GABBR1: variants seen among roughly 807,000 people sequenced by gnomAD.
GABBR1 encodes the protein gamma-aminobutyric acid type B receptor subunit 1, also known as GABA-B receptor, R1 subunit.
A neutral mutation model predicts 117.7 loss-of-function variants in GABBR1; 35 were observed. That is an observed-to-expected ratio of 0.30 (90% CI 0.23 to 0.39). The LOEUF (loss-of-function observed/expected upper bound fraction) is 0.39. Among genes scored for constraint, GABBR1 ranks in the 10% least tolerant of loss-of-function variants. The pLI is 1.00. For synonymous variants in GABBR1, 442 were observed against 486.6 expected (o/e 0.91, Z 1.21); for missense variants, 709 against 1,241.8 (o/e 0.57, Z 6.45).
Position 29,627,930 on chromosome 6 carries a change from A to C in GABBR1, c.497-284T>G. 1 of 1,360,002 alleles carries C rather than the reference A, an allele frequency of 7.4e-7. No homozygotes were observed. The highest frequency in any genetic ancestry group is 9.4e-7 in the Non-Finnish European group (1 of 1,065,708). 84.2% of individuals were successfully genotyped at this position (1,360,002 alleles called of 1,614,324 possible). On this transcript the variant is annotated intron_variant, in intron 5 of 22. Transcript: ENST00000377034. The surrounding 1 kb of genome is among the most constrained non-coding windows in gnomAD (Gnocchi z 4.4). Reference sequence around the variant, plus strand: ...GGGGAGGAGGGGGCGAGGGCCCCGGAGAAGCAGGGAAGGTTGGCTTCCTAC... The same window carrying C: ...GGGGAGGAGGGGGCGAGGGCCCCGGCGAAGCAGGGAAGGTTGGCTTCCTAC...
Position 29,605,591 on chromosome 6 carries a change from C to A in GABBR1, c.2417G>T (p.Gly806Val), listed in dbSNP as rs757082012. The change falls in exon 20 of 23, where the codon GGC becomes GTC. Residue 806 changes from glycine (G) to valine (V), a missense_variant. Gly to Val is a moderately radical substitution (Grantham distance 109, BLOSUM62 -3). This residue lies in a region of GABBR1 where 251 missense variants were observed against 445.3 expected (regional missense o/e 0.56). Transcript: ENST00000377034. The surrounding 1 kb of genome is among the most constrained non-coding windows in gnomAD (Gnocchi z 4.2). ...CACTGCCACATTGTAGATAGCCATG[C>A]CCACAGCCCGGTGATCATTGATCTT... Reference protein sequence around the residue: ...TEKINDHRAVGMAIYNVAVLC... With the variant: ...TEKINDHRAVVMAIYNVAVLC... The A allele has an allele frequency of 6.2e-7, 1 of 1,613,070 alleles. No homozygotes were observed. Among genetic ancestry groups the A allele is most frequent in the East Asian group, 2.2e-5 (1 of 44,876 alleles).
In GABBR1 at chr6:29,611,973, A is replaced by G. The variant is rs1443466593; in HGVS notation, c.1630+578T>C. ...ATTAATGGAAGCCACTGGGAAAGAG[A>G]GTAGCTGTTTTTAATTTGCATGTCT... On this transcript the variant is annotated intron_variant, in intron 13 of 22. Coordinates refer to ENST00000377034, the MANE Select transcript of GABBR1 (RefSeq NM_001470.4). This position sits in a 1 kb window ranked among gnomAD's most constrained non-coding sequence, Gnocchi z 4.6. Among the ~76,000 whole-genome samples, 1 of 152,040 alleles carries G rather than the reference A, an allele frequency of 6.6e-6. No individual in the cohort carries two copies. Among genetic ancestry groups the G allele is most frequent in the Non-Finnish European group, 1.5e-5 (1 of 68,006 alleles).
At position 29,620,431 on chromosome 6, in the gene GABBR1, T is replaced by C. The variant is rs771759726; in HGVS notation, c.1323+670A>G. Among the ~76,000 whole-genome samples, 5 of 152,304 alleles carry C rather than the reference T, an allele frequency of 3.3e-5. No individual in the cohort carries two copies. Among genetic ancestry groups the C allele is most frequent in the Admixed American group, 6.5e-5 (1 of 15,296 alleles). On this transcript the variant is annotated intron_variant, in intron 11 of 22. Transcript: ENST00000377034. The surrounding 1 kb of genome is among the most constrained non-coding windows in gnomAD (Gnocchi z 4.5). ...CAAAATTCCTGTACTCTTTACAATGTAGTGCTGAGCAACAAAGAAGCCTCT... is the reference window on the plus strand; with the variant it reads ...CAAAATTCCTGTACTCTTTACAATGCAGTGCTGAGCAACAAAGAAGCCTCT...
rs1181277276 is a variant in GABBR1, at chr6:29,623,685, A to G, written c.792+205T>C. On this transcript the variant is annotated intron_variant, in intron 7 of 22. Transcript: ENST00000377034. This position sits in a 1 kb window ranked among gnomAD's most constrained non-coding sequence, Gnocchi z 6.2. ...ATGCTCTTTCACTGATCTAATTTCA[A>G]TTCCTTCTGAAGAAGGAGGTCAGCT... Among the ~76,000 whole-genome samples, 1 of 152,100 alleles carries G rather than the reference A, an allele frequency of 6.6e-6. No homozygotes were observed. Among genetic ancestry groups the G allele is most frequent in the Admixed American group, 6.5e-5 (1 of 15,270 alleles).
At position 29,623,747 on chromosome 6, in the gene GABBR1, T is replaced by G. The variant is rs1178229705; in HGVS notation, c.792+143A>C. 1.0e-6 allele frequency: 1 copy of G among 995,480 alleles called. No individual in the cohort carries two copies. The highest frequency in any genetic ancestry group is 1.5e-6 in the Non-Finnish European group (1 of 682,756). The allele number at this position is 995,480 out of a possible 1,614,324, so 61.7% of individuals were successfully genotyped here. On this transcript the variant is annotated intron_variant, in intron 7 of 22. Coordinates refer to ENST00000377034, the MANE Select transcript of GABBR1 (RefSeq NM_001470.4). The surrounding 1 kb of genome is among the most constrained non-coding windows in gnomAD (Gnocchi z 6.2). The stretch of plus-strand genomic sequence containing the variant: ...AGGCCACTGTTGCTAGGAGGCTGCC[T>G]AGCTCAGGTCTGCAGAGGACTCTGA...
rs1377287703 is a variant in GABBR1 at position 29,608,590 on chromosome 6, C to A, written c.1992+11G>T. 6.2e-7 allele frequency: 1 copy of A among 1,611,394 alleles called. No homozygotes were observed. The highest frequency in any genetic ancestry group is 8.5e-7 in the Non-Finnish European group (1 of 1,179,184). Reference sequence around the variant, plus strand: ...CACATCCTGTAAGGAATTTGCCCACCACCTCCTCACCTGGCAGACGAAAGG... The same window carrying A: ...CACATCCTGTAAGGAATTTGCCCACAACCTCCTCACCTGGCAGACGAAAGG... On this transcript the variant is annotated intron_variant, in intron 16 of 22. Transcript: ENST00000377034.
At position 29,622,774 on chromosome 6, in the gene GABBR1, T is replaced by A. The variant is rs1454549292; in HGVS notation, c.963+531A>T. Among the ~76,000 whole-genome samples, 1 of 152,124 alleles carries A rather than the reference T, an allele frequency of 6.6e-6. No individual in the cohort carries two copies. The highest frequency in any genetic ancestry group is 6.5e-5 in the Admixed American group (1 of 15,276). ...TCTTCCCCCTCAACCTCTCCTTGTC[T>A]GTCGGCTTCTCTCTCTTAGTACCAA... On this transcript the variant is annotated intron_variant, in intron 8 of 22. Transcript: ENST00000377034. The surrounding 1 kb of genome is among the most constrained non-coding windows in gnomAD (Gnocchi z 4.6).
Position 29,621,354 on chromosome 6 carries a change from C to A in GABBR1, c.1132-62G>T. Reference sequence around the variant, plus strand: ...TCATTTGTTTGTTTTTGTCTTATCTCACTTGATACTATTTAGCCTCTTGGG... The same window carrying A: ...TCATTTGTTTGTTTTTGTCTTATCTAACTTGATACTATTTAGCCTCTTGGG... On this transcript the variant is annotated intron_variant, in intron 10 of 22. Transcript: ENST00000377034. This position sits in a 1 kb window ranked among gnomAD's most constrained non-coding sequence, Gnocchi z 5.0. 7.5e-7 allele frequency: 1 copy of A among 1,330,944 alleles called. No homozygotes were observed. The highest frequency in any genetic ancestry group is 1.1e-6 in the Non-Finnish European group (1 of 943,394). 82.4% of individuals were successfully genotyped at this position (1,330,944 alleles called of 1,614,324 possible). A position where few individuals can be genotyped will look rare whatever the true frequency, so the allele number is the denominator to read the frequency against.
rs1368230675 is a variant in GABBR1 at position 29,603,047 on chromosome 6, C to T, written c.*496G>A. ...AAAGGAAGCAAAATTCAGGGGGAGC[C>T]ACATGTGAGAAAGTATAGAAGGGCA... On this transcript the variant is annotated 3_prime_UTR_variant, in exon 23 of 23. Transcript: ENST00000377034. The T allele has an allele frequency of 2.2e-6, 1 of 456,904 alleles. No homozygotes were observed. The highest frequency in any genetic ancestry group is 2.0e-5 in the African/African-American group (1 of 50,042). The allele number at this position is 456,904 out of a possible 1,614,324, so 28.3% of individuals were successfully genotyped here.
At position 29,606,891 on chromosome 6, in the gene GABBR1, T is replaced by A. The variant is rs1406027600; in HGVS notation, c.2217+6A>T. 6.2e-7 allele frequency: 1 copy of A among 1,611,478 alleles called. No homozygotes were observed. The highest frequency in any genetic ancestry group is 1.1e-5 in the South Asian group (1 of 91,038). On this transcript the variant is annotated splice_donor_region_variant and intron_variant, in intron 18 of 22. Coordinates refer to ENST00000377034, the MANE Select transcript of GABBR1 (RefSeq NM_001470.4). This position sits in a 1 kb window ranked among gnomAD's most constrained non-coding sequence, Gnocchi z 4.5. ...CCTGACCATAGCACCTCCTCTCCAG[T>A]GGTACCTCAATGGTCCGGTGCAGAG...
chr6:29,627,983 C>T lies in GABBR1; in HGVS notation c.497-337G>A. On this transcript the variant is annotated intron_variant, in intron 5 of 22. Coordinates refer to ENST00000377034, the MANE Select transcript of GABBR1 (RefSeq NM_001470.4). This position sits in a 1 kb window ranked among gnomAD's most constrained non-coding sequence, Gnocchi z 4.4. ...CCCCCGCGGCTCTCGCCACCGTCGC[C>T]GCCACCGCGGACTCTCCTCGCGGAC... 7.5e-7 allele frequency: 1 copy of T among 1,340,572 alleles called. No individual in the cohort carries two copies. Among genetic ancestry groups the T allele is most frequent in the Non-Finnish European group, 9.5e-7 (1 of 1,054,916 alleles). The allele number at this position is 1,340,572 out of a possible 1,614,324, so 83.0% of individuals were successfully genotyped here. A position where few individuals can be genotyped will look rare whatever the true frequency, so the allele number is the denominator to read the frequency against.
Position 29,631,971 on chromosome 6 carries a change from G to A in GABBR1, c.85+330C>T, listed in dbSNP as rs1765031462. On this transcript the variant is annotated intron_variant, in intron 2 of 22. Coordinates refer to ENST00000377034, the MANE Select transcript of GABBR1 (RefSeq NM_001470.4). This position sits in a 1 kb window ranked among gnomAD's most constrained non-coding sequence, Gnocchi z 5.9. ...GAATTAGGATAGGAGGATAAAGGGA[G>A]GCTAATAAGATCATCTGGACAGCAA... Among the ~76,000 whole-genome samples the A allele has an allele frequency of 6.6e-6, 1 of 151,952 alleles. No individual in the cohort carries two copies. Among genetic ancestry groups the A allele is most frequent in the Non-Finnish European group, 1.5e-5 (1 of 68,016 alleles).
chr6:29,603,147 G>T lies in GABBR1; in HGVS notation c.*396C>A, dbSNP rs756924325. 4.2e-6 allele frequency: 2 copies of T among 472,044 alleles called. No homozygotes were observed. Among genetic ancestry groups the T allele is most frequent in the Non-Finnish European group, 8.4e-6 (2 of 236,888 alleles). The allele number at this position is 472,044 out of a possible 1,614,324, so 29.2% of individuals were successfully genotyped here. The stretch of plus-strand genomic sequence containing the variant: ...GGGGTGGAAAGAGCACTTGTTGGGA[G>T]ACCCCTGCTGGACAGGAACAGAGCA... On this transcript the variant is annotated 3_prime_UTR_variant, in exon 23 of 23. Transcript: ENST00000377034.
At chr6:29,616,983 T>TAAAA (rs28383952) in intron 11 of GABBR1, among the ~76,000 whole-genome samples, 9 of 71,630 alleles carry the variant, frequency 1.3e-4, no homozygotes, top group African/African-American at 1.5e-4. Flanking sequence ...CCGTCTCTAC[T>TAAAA]AAAAAAAAAA....
In GABBR1 at chr6:29,603,644, G is replaced by A; in HGVS notation, c.2785C>T (p.Pro929Ser). ...CCCCCAGAGGGTTCTGGGGGTGTCG[G>A]TGGGTGGCGCCGGGAGCGGAGCTGC... Reference protein sequence around the residue: ...RQQLRSRRHPPTPPEPSGGLP... With the variant: ...RQQLRSRRHPSTPPEPSGGLP... Residue 929 changes from proline to serine, a missense_variant, in exon 23 of 23, where the codon CCG becomes TCG. Transcript: ENST00000377034. 6.6e-7 allele frequency: 1 copy of A among 1,524,028 alleles called. No individual in the cohort carries two copies. The highest frequency in any genetic ancestry group is 8.8e-7 in the Non-Finnish European group (1 of 1,140,594). 94.4% of individuals were successfully genotyped at this position (1,524,028 alleles called of 1,614,324 possible). A position where few individuals can be genotyped will look rare whatever the true frequency, so the allele number is the denominator to read the frequency against.
rs752823460 is a variant in GABBR1 at position 29,621,826 on chromosome 6, G to C, written c.1066-9C>G. 1 of 1,614,134 alleles carries C rather than the reference G, an allele frequency of 6.2e-7. No individual in the cohort carries two copies. Among genetic ancestry groups the C allele is most frequent in the East Asian group, 2.2e-5 (1 of 44,884 alleles). ...ATTCGGGCATCCTGGCGCTACAACA[G>C]AGAAAGAAACAGCTCCTGAGGGATG... On this transcript the variant is annotated splice_polypyrimidine_tract_variant and intron_variant, in intron 9 of 22. Coordinates refer to ENST00000377034, the MANE Select transcript of GABBR1 (RefSeq NM_001470.4). This position sits in a 1 kb window ranked among gnomAD's most constrained non-coding sequence, Gnocchi z 5.0.
Position 29,620,115 on chromosome 6 carries a change from C to A in GABBR1, c.1323+986G>T, listed in dbSNP as rs1763597047. Among the ~76,000 whole-genome samples, 4 of 152,186 alleles carry A rather than the reference C, an allele frequency of 2.6e-5. No individual in the cohort carries two copies. Among genetic ancestry groups the A allele is most frequent in the African/African-American group, 7.2e-5 (3 of 41,460 alleles). ...TTTGGAGCCAGATTTAACTAGGATT[C>A]AATTCCAGCTGGACTGCTGAGTAGC... On this transcript the variant is annotated intron_variant, in intron 11 of 22. Transcript: ENST00000377034. This position sits in a 1 kb window ranked among gnomAD's most constrained non-coding sequence, Gnocchi z 4.5.
intron 11 of GABBR1, among the ~76,000 whole-genome samples, chr6:29,617,534 T>C (rs753965723): frequency 2.6e-5 from 4 of 152,120 alleles, no homozygotes; most frequent in Non-Finnish European, 5.9e-5. Flanking sequence ...ACTCCTGGCC[T>C]TGTGATCCAC....
Position 29,632,827 on chromosome 6 carries a change from T to G in GABBR1, c.-1+23A>C. 1 of 529,684 alleles carries G rather than the reference T, an allele frequency of 1.9e-6. No homozygotes were observed. Among genetic ancestry groups the G allele is most frequent in the Non-Finnish European group, 2.6e-6 (1 of 378,640 alleles). 32.8% of individuals were successfully genotyped at this position (529,684 alleles called of 1,614,324 possible). On this transcript the variant is annotated intron_variant, in intron 1 of 22. Coordinates refer to ENST00000377034, the MANE Select transcript of GABBR1 (RefSeq NM_001470.4). The surrounding 1 kb of genome is among the most constrained non-coding windows in gnomAD (Gnocchi z 5.8). ...CGCGCGCCCCCTCTCCGAGCCCTGC[T>G]AACCCGGGGCCCTGGCTCTTACCTC... is the stretch of plus-strand genomic sequence containing the variant.
Sources: gnomAD v4.1 joint callset for allele counts (sites outside exome capture counted in the v4.1 genomes callset) on GRCh38, gnomAD v4.1.1 for gene constraint, gnomAD v4.1.1 regional missense constraint, Gnocchi (gnomAD v3.1) non-coding constraint, MANE v1.5 for transcripts, NCBI Gene and HGNC (gene_info 2026-07-23, HGNC 2026-07-21) for gene names.